Variants in CFAP54 observed in about 807,000 individuals in gnomAD.
The protein encoded by CFAP54 is cilia- and flagella-associated protein 54.
Under a neutral mutation model 370.4 loss-of-function variants are expected in CFAP54, and 290 were observed. That is an observed-to-expected ratio of 0.78 (90% CI 0.71 to 0.86). The LOEUF (loss-of-function observed/expected upper bound fraction) is 0.86, where lower values mean the gene tolerates loss of function less well. CFAP54 is among the 40% of genes least tolerant of loss of function. The pLI, the probability that CFAP54 is intolerant of heterozygous loss-of-function variation, is 0.00. For synonymous variants in CFAP54, 1,206 were observed against 1,236.5 expected, an observed-to-expected ratio of 0.98 and a Z score of 0.52; for missense variants, 3,399 against 3,528.7, an observed-to-expected ratio of 0.96 and a Z score of 0.93.
intron 50 of CFAP54, among the ~76,000 whole-genome samples, chr12:96,725,698 A>T (rs188625114): frequency 1.2e-3 from 176 of 152,296 alleles, no homozygotes; most frequent in African/African-American, 4.0e-3. Flanking sequence ...CCTGGCCAGA[A>T]CTTCCAACAC....
chr12:96,617,705 C>T (rs1444967489), intron 26 of CFAP54, among the ~76,000 whole-genome samples: 1 of 152,086 alleles, frequency 6.6e-6, no homozygotes, highest in Non-Finnish European at 1.5e-5. Flanking sequence ...ATATATTTAT[C>T]TGCGGGCGGG....
intron 31 of CFAP54, 57 bp from the exon 32 acceptor site, chr12:96,630,494 A>T: frequency 3.3e-6 from 3 of 897,664 alleles, no homozygotes; most frequent in Non-Finnish European, 4.8e-6. Context: ...TGAATAAATT[A>T]TACTACTGTG....
intron 26 of CFAP54, among the ~76,000 whole-genome samples, chr12:96,604,371 C>G (rs1457854203): frequency 6.6e-6 from 1 of 152,212 alleles, no homozygotes; most frequent in African/African-American, 2.4e-5. Flanking sequence ...TCTGTTGGCC[C>G]TACTGGCAGG....
chr12:96,594,521 G>A (rs1456747786), intron 25 of CFAP54, 75 bp downstream of exon 25: 5 of 1,196,222 alleles, frequency 4.2e-6, no homozygotes, highest in South Asian at 2.1e-5. Context: ...GAAAAGAAAA[G>A]CCATGTATCT....
intron 66 of CFAP54, among the ~76,000 whole-genome samples, chr12:96,852,434 C>T (rs1004955787): frequency 6.6e-5 from 10 of 152,062 alleles, no homozygotes; most frequent in African/African-American, 1.7e-4. Flanking sequence ...GGTAACTCAT[C>T]TTTTCAATAA....
chr12:96,625,790 A>G lies in CFAP54; in HGVS notation c.3959A>G (p.Lys1320Arg), dbSNP rs1210841000. 1 of 1,535,566 alleles carries G rather than the reference A, an allele frequency of 6.5e-7. No individual in the cohort carries two copies. Among genetic ancestry groups the G allele is most frequent in the Non-Finnish European group, 8.7e-7 (1 of 1,146,460 alleles). Residue 1320 changes from lysine (K) to arginine (R), a missense_variant, in exon 29 of 68, where the codon AAA (lysine) becomes AGA (arginine). This residue lies in a region of CFAP54 where 2,796 missense variants were observed against 2,869.7 expected (regional missense o/e 0.97). Transcript: ENST00000524981. ...CCTGTAGTTTTGAATTGGTCGGTCA[A>G]AGGTGCCGTGAAAGAAGGTAGGTGA... ...LYPVVLNWSV[K>R]GAVKEVMKFK... is the part of the protein sequence containing the mutation.
At chr12:96,710,096 G>A (rs1957594236) in intron 48 of CFAP54, among the ~76,000 whole-genome samples, 1 of 152,134 alleles carries the variant, frequency 6.6e-6, no homozygotes, top group South Asian at 2.1e-4. Flanking sequence ...AAGAGATATT[G>A]GTCTGCAGTT....
At chr12:96,821,917 G>A (rs1592785226) in intron 65 of CFAP54, among the ~76,000 whole-genome samples, 1 of 152,220 alleles carries the variant, frequency 6.6e-6, no homozygotes, top group African/African-American at 2.4e-5. Context: ...TTGTTGGTGG[G>A]TTATTGAATA....
chr12:96,827,981 AT>A (rs398055864), intron 65 of CFAP54, among the ~76,000 whole-genome samples: 1 of 117,884 alleles, frequency 8.5e-6, no homozygotes, highest in Non-Finnish European at 1.6e-5. Context: ...AATATATTAT[AT>A]TATATATAGT....
intron 65 of CFAP54, among the ~76,000 whole-genome samples, chr12:96,824,507 A>C (rs1959065035): frequency 6.6e-6 from 1 of 152,184 alleles, no homozygotes; most frequent in South Asian, 2.1e-4. Context: ...ATTTAGACAG[A>C]AAGCATACCT....
intron 32 of CFAP54, among the ~76,000 whole-genome samples, chr12:96,637,384 TA>T (rs895394669): frequency 6.6e-6 from 1 of 152,228 alleles, no homozygotes; most frequent in African/African-American, 2.4e-5. Context: ...GGTTTAGACA[TA>T]TTTTCATTTC....
intron 65 of CFAP54, among the ~76,000 whole-genome samples, chr12:96,819,459 G>A (rs757329197): frequency 6.6e-6 from 1 of 152,184 alleles, no homozygotes; most frequent in African/African-American, 2.4e-5. Context: ...CATGCTGAAA[G>A]CCAGAAATTA....
At chr12:96,815,782 C>T (rs1251283283) in intron 64 of CFAP54, among the ~76,000 whole-genome samples, 1 of 152,202 alleles carries the variant, frequency 6.6e-6, no homozygotes, top group Admixed American at 6.5e-5. Flanking sequence ...CTGCATATAG[C>T]TAGCCAGTTT....
At chr12:96,844,418 C>T (rs1430218608) in intron 66 of CFAP54, among the ~76,000 whole-genome samples, 1 of 152,100 alleles carries the variant, frequency 6.6e-6, no homozygotes, top group Admixed American at 6.5e-5. Context: ...CTGAAAAAGG[C>T]AAATAAATAG....
chr12:96,492,239 C>A (rs1159913480), intron 1 of CFAP54, among the ~76,000 whole-genome samples: 4 of 152,156 alleles, frequency 2.6e-5, no homozygotes, highest in Admixed American at 6.5e-5. Context: ...CTTTCTATTG[C>A]TTCCCATTGC....
Position 96,786,863 on chromosome 12 carries a change from CTTTCAGAAAAAGACTTACG to C in CFAP54, c.8646_8664del (p.Ser2883AsnfsTer29). 6.5e-7 allele frequency: 1 copy of C among 1,535,010 alleles called. No individual in the cohort carries two copies. Among genetic ancestry groups the C allele is most frequent in the South Asian group, 1.2e-5 (1 of 83,868 alleles). On this transcript the variant is annotated frameshift_variant, in exon 62 of 68. Transcript: ENST00000524981. LOFTEE classifies it high-confidence loss of function. Reference sequence around the variant, plus strand: ...TCTTTGTCAACTGGAAAATCCCCCTCTTTCAGAAAAAGACTTACGTGAATCATCTGCCAAGGTAACGTTT... The same window carrying C: ...TCTTTGTCAACTGGAAAATCCCCCTCTGAATCATCTGCCAAGGTAACGTTT...
At chr12:96,754,923 T>C (rs1958235524) in intron 56 of CFAP54, among the ~76,000 whole-genome samples, 1 of 152,096 alleles carries the variant, frequency 6.6e-6, no homozygotes, top group Non-Finnish European at 1.5e-5. Flanking sequence ...TTTGTATTTT[T>C]AGTAGAGATG....
chr12:96,759,663 A>G (rs946135057), intron 58 of CFAP54, among the ~76,000 whole-genome samples: 3 of 152,190 alleles, frequency 2.0e-5, no homozygotes, highest in Admixed American at 1.3e-4. Context: ...ACTTTTATGT[A>G]GTGTCCATAC....
intron 22 of CFAP54, among the ~76,000 whole-genome samples, chr12:96,584,688 T>C (rs1429248548): frequency 2.6e-5 from 4 of 152,058 alleles, no homozygotes; most frequent in Non-Finnish European, 5.9e-5. Flanking sequence ...CTTGTTTAGA[T>C]AATTCTGACT....
Sources: allele counts gnomAD v4.1 joint callset (sites outside exome capture counted in the v4.1 genomes callset), GRCh38; gene constraint gnomAD v4.1.1; regional missense constraint gnomAD v4.1.1; transcripts MANE v1.5; gene names NCBI Gene and HGNC (gene_info 2026-07-23, HGNC 2026-07-21).